The following LNPEP variants were observed in gnomAD, a reference collection of about 807,000 sequenced individuals.
LNPEP encodes leucyl-cystinyl aminopeptidase.
Under a neutral mutation model 120.6 loss-of-function variants are expected in LNPEP, and 64 were observed. The observed-to-expected ratio is 0.53, with a 90% CI of 0.43 to 0.65. The LOEUF is 0.65. Among genes scored for constraint, LNPEP ranks in the 30% least tolerant of loss-of-function variants. The probability of loss-of-function intolerance (pLI) is 0.00; values close to 1 mark genes in which losing one functional copy is unlikely to be tolerated. For synonymous variants in LNPEP, 435 were observed against 425.4 expected, an observed-to-expected ratio of 1.02 and a Z score of -0.28; for missense variants, 1,057 against 1,200.0, an observed-to-expected ratio of 0.88 and a Z score of 1.76.
rs1791435644 is a variant in LNPEP at position 97,029,895 on chromosome 5, G to T, written c.*1362G>T. The T allele has an allele frequency of 6.6e-6, 1 of 152,058 alleles. No homozygotes were observed. Among genetic ancestry groups the T allele is most frequent in the African/African-American group, 2.4e-5 (1 of 41,408 alleles). The allele number at this position is 152,058 out of a possible 1,614,324, so 9.4% of individuals were successfully genotyped here. A position where few individuals can be genotyped will look rare whatever the true frequency, so the allele number is the denominator to read the frequency against. On this transcript the variant is annotated 3_prime_UTR_variant, in exon 18 of 18. Coordinates refer to ENST00000231368, the MANE Select transcript of LNPEP (RefSeq NM_005575.3). Reference sequence around the variant, plus strand: ...AGCTATGCAGACTTATACCTAGATTGTTGTGTTTCTTTGATTCTTAGGAGA... The same window carrying T: ...AGCTATGCAGACTTATACCTAGATTTTTGTGTTTCTTTGATTCTTAGGAGA...
At position 97,022,404 on chromosome 5, in the gene LNPEP, T is replaced by G; in HGVS notation, c.2481T>G (p.Ala827=). Residue 827 remains alanine, a synonymous_variant, in exon 14 of 18, where the codon GCT becomes GCG. Coordinates refer to ENST00000231368, the MANE Select transcript of LNPEP (RefSeq NM_005575.3). Reference sequence around the variant, plus strand: ...TTCGGTCAGCCCTGCTAGAGTTTGCTTGCACCCACAACCTGGGGAACTGCT... The same window carrying G: ...TTCGGTCAGCCCTGCTAGAGTTTGCGTGCACCCACAACCTGGGGAACTGCT... The part of the protein sequence containing the change: ...RELRSALLEF[A]CTHNLGNCST... 6.2e-7 allele frequency: 1 copy of G among 1,614,098 alleles called. No individual in the cohort carries two copies. Among genetic ancestry groups the G allele is most frequent in the Non-Finnish European group, 8.5e-7 (1 of 1,179,958 alleles).
intron 1 of LNPEP, among the ~76,000 whole-genome samples, chr5:96,970,770 T>C (rs1299988277): frequency 2.0e-5 from 3 of 152,100 alleles, no homozygotes; most frequent in Non-Finnish European, 2.9e-5. Flanking sequence ...CCATTTCACA[T>C]TCTATACCTG....
intron 1 of LNPEP, among the ~76,000 whole-genome samples, chr5:96,965,573 T>C (rs1449207150): frequency 1.3e-5 from 2 of 152,158 alleles, no homozygotes; most frequent in Non-Finnish European, 2.9e-5. Context: ...TATAAAACCA[T>C]AATTACAAGT....
rs753478903 is a variant in LNPEP, at chr5:96,979,645, G to A, written c.527G>A (p.Arg176His). 3.5e-5 allele frequency: 57 copies of A among 1,613,946 alleles called. No homozygotes were observed. The Admixed American group carries it at 7.7e-4, about 22-fold the overall frequency. The change falls in exon 2 of 18, where the codon CGC (arginine) becomes CAC (histidine). Residue 176 changes from arginine (R) to histidine (H), a missense_variant. Physicochemically the swap from Arg to His is conservative, Grantham distance 29 (BLOSUM62 0). Coordinates refer to ENST00000231368, the MANE Select transcript of LNPEP (RefSeq NM_005575.3). ...CTTCCCACTGCCGTTGTGCCACTAC[G>A]CTATGAACTCAGCCTACACCCGAAC... ...IRLPTAVVPL[R>H]YELSLHPNLT...
chr5:97,010,495 A>G (rs1027428639), intron 11 of LNPEP: 1 of 985,276 alleles, frequency 1.0e-6, no homozygotes, highest in Non-Finnish European at 1.2e-6. Flanking sequence ...AACAGGAGTG[A>G]TAAAGTTCAA....
In LNPEP at chr5:97,028,632, C is replaced by A; in HGVS notation, c.*99C>A. Reference sequence around the variant, plus strand: ...GCCAAGGTAAAGCCAGGATCGCTGCCAAGTTGTTTGCACTCTTTGGAGTTC... The same window carrying A: ...GCCAAGGTAAAGCCAGGATCGCTGCAAAGTTGTTTGCACTCTTTGGAGTTC... On this transcript the variant is annotated 3_prime_UTR_variant, in exon 18 of 18. Coordinates refer to ENST00000231368, the MANE Select transcript of LNPEP (RefSeq NM_005575.3). 1 of 1,298,226 alleles carries A rather than the reference C, an allele frequency of 7.7e-7. No individual in the cohort carries two copies. Among genetic ancestry groups the A allele is most frequent in the Non-Finnish European group, 1.1e-6 (1 of 922,110 alleles). 80.4% of individuals were successfully genotyped at this position (1,298,226 alleles called of 1,614,324 possible). A position where few individuals can be genotyped will look rare whatever the true frequency, so the allele number is the denominator to read the frequency against.
intron 1 of LNPEP, among the ~76,000 whole-genome samples, chr5:96,956,753 G>A (rs985126445): frequency 1.3e-5 from 2 of 151,978 alleles, no homozygotes; most frequent in Non-Finnish European, 2.9e-5. Flanking sequence ...AGTCATTCTG[G>A]GACTCCGACT....
intron 2 of LNPEP, among the ~76,000 whole-genome samples, chr5:96,983,083 A>C (rs112892445): frequency 1.2e-4 from 18 of 152,176 alleles, no homozygotes; most frequent in Admixed American, 3.3e-4. Context: ...GGGATGTATG[A>C]GATGTAAGGA....
chr5:97,031,186 AAG>A lies in LNPEP; in HGVS notation c.*2655_*2656del, dbSNP rs953363834. ...GGGTCATCATACTAGATTATTAAAAAAGAATTGGAAATCTTGAGTTGTGGAAG... is the reference window on the plus strand; with the variant it reads ...GGGTCATCATACTAGATTATTAAAAAAATTGGAAATCTTGAGTTGTGGAAG... On this transcript the variant is annotated 3_prime_UTR_variant, in exon 18 of 18. Coordinates refer to ENST00000231368, the MANE Select transcript of LNPEP (RefSeq NM_005575.3). 1 of 151,200 alleles carries A rather than the reference AAG, an allele frequency of 6.6e-6. No homozygotes were observed. Among genetic ancestry groups the A allele is most frequent in the African/African-American group, 2.4e-5 (1 of 41,072 alleles). 9.4% of individuals were successfully genotyped at this position (151,200 alleles called of 1,614,324 possible). A position where few individuals can be genotyped will look rare whatever the true frequency, so the allele number is the denominator to read the frequency against.
At position 97,035,276 on chromosome 5, in the gene LNPEP, C is replaced by T. The variant is rs1791551532; in HGVS notation, c.*6743C>T. On this transcript the variant is annotated 3_prime_UTR_variant, in exon 18 of 18. Coordinates refer to ENST00000231368, the MANE Select transcript of LNPEP (RefSeq NM_005575.3). Reference sequence around the variant, plus strand: ...CATGTTATTGGTTTTGTACCTAGTCCTTTGCATGGATATATAGGTACCTAA... The same window carrying T: ...CATGTTATTGGTTTTGTACCTAGTCTTTTGCATGGATATATAGGTACCTAA... 1 of 151,878 alleles carries T rather than the reference C, an allele frequency of 6.6e-6. No individual in the cohort carries two copies. Among genetic ancestry groups the T allele is most frequent in the Non-Finnish European group, 1.5e-5 (1 of 67,936 alleles). The allele number at this position is 151,878 out of a possible 1,614,324, so 9.4% of individuals were successfully genotyped here. A position where few individuals can be genotyped will look rare whatever the true frequency, so the allele number is the denominator to read the frequency against.
chr5:96,989,620 C>T (rs1388244078), intron 4 of LNPEP, among the ~76,000 whole-genome samples: 1 of 151,358 alleles, frequency 6.6e-6, no homozygotes, highest in African/African-American at 2.4e-5. Context: ...GGCCTGAGTG[C>T]CGATTGACTT....
intron 9 of LNPEP, among the ~76,000 whole-genome samples, chr5:97,004,737 C>T (rs922777586): frequency 4.6e-5 from 7 of 152,116 alleles, no homozygotes. Flanking sequence ...GTCTTTTGCC[C>T]AGAAGATATA....
chr5:97,010,317 T>C (rs1790895569), intron 11 of LNPEP: 2 of 978,826 alleles, frequency 2.0e-6, no homozygotes, highest in Non-Finnish European at 2.4e-6. Context: ...CTATCAGAAA[T>C]ACTGCTGTGA....
chr5:96,983,183 C>G (rs988960270), intron 2 of LNPEP, among the ~76,000 whole-genome samples: 6 of 152,142 alleles, frequency 3.9e-5, no homozygotes, highest in Non-Finnish European at 5.9e-5. Flanking sequence ...CTCCAAATCT[C>G]ATACTCTTTC....
At chr5:97,021,228 TA>T (rs1791185376) in intron 13 of LNPEP, among the ~76,000 whole-genome samples, 1 of 111,980 alleles carries the variant, frequency 8.9e-6, no homozygotes, top group African/African-American at 3.5e-5. Flanking sequence ...ATTGTTCAGC[TA>T]AAACAAGAAA....
chr5:96,962,945 TC>T (rs1161077650), intron 1 of LNPEP, among the ~76,000 whole-genome samples: 1 of 152,138 alleles, frequency 6.6e-6, no homozygotes, highest in Non-Finnish European at 1.5e-5. Context: ...AGGCAGAGCT[TC>T]CTATGAAGTC....
In LNPEP at chr5:97,015,090, C is replaced by T; in HGVS notation, c.2371C>T (p.Leu791=). Reference sequence around the variant, plus strand: ...GGGATACATGGATCTGGCCTCAAGACTGGTGGTAAGTCTGCCTTTTTGCCA... The same window carrying T: ...GGGATACATGGATCTGGCCTCAAGATTGGTGGTAAGTCTGCCTTTTTGCCA... ...KLGYMDLASR[L]VTRVFKLLQN... is the part of the protein sequence containing the mutation. Residue 791 remains leucine (L), a synonymous_variant, in exon 13 of 18, where the codon CTG becomes TTG. Coordinates refer to ENST00000231368, the MANE Select transcript of LNPEP (RefSeq NM_005575.3). 1 of 1,556,508 alleles carries T rather than the reference C, an allele frequency of 6.4e-7. No individual in the cohort carries two copies. Among genetic ancestry groups the T allele is most frequent in the Non-Finnish European group, 8.7e-7 (1 of 1,154,898 alleles).
chr5:96,998,827 G>A (rs1481055092), intron 8 of LNPEP, among the ~76,000 whole-genome samples: 2 of 152,180 alleles, frequency 1.3e-5, no homozygotes, highest in Admixed American at 1.3e-4. Flanking sequence ...TATGTGCTGA[G>A]TGGGACAGAA....
chr5:96,968,055 C>G (rs562329878), intron 1 of LNPEP, among the ~76,000 whole-genome samples: 3 of 152,172 alleles, frequency 2.0e-5, no homozygotes, highest in African/African-American at 7.2e-5. Context: ...ATCCGTTATT[C>G]TAGAAAAGTA....
Sources: gnomAD v4.1 joint callset for allele counts (sites outside exome capture counted in the v4.1 genomes callset) on GRCh38, gnomAD v4.1.1 for gene constraint, MANE v1.5 for transcripts, NCBI Gene and HGNC (gene_info 2026-07-23, HGNC 2026-07-21) for gene names.